PCDHGA6: variants seen among roughly 807,000 people sequenced by gnomAD.
PCDHGA6 encodes protocadherin gamma-A6.
A neutral mutation model predicts 60.6 loss-of-function variants in PCDHGA6; 41 were observed. The ratio of observed to expected loss-of-function variants is 0.68; its 90% CI spans 0.53 to 0.88. The LOEUF is 0.88. Among genes scored for constraint, PCDHGA6 ranks in the 40% least tolerant of loss-of-function variants. The pLI is 0.00. For synonymous variants in PCDHGA6, 594 were observed against 524.4 expected (o/e 1.13, Z -1.81); for missense variants, 1,312 against 1,203.0 (o/e 1.09, Z -1.34).
At chr5:141,494,937 G>A (rs759078748) in intron 2 of PCDHGA6, 72 bp downstream of exon 2, 130 of 1,612,276 alleles carry the variant, frequency 8.1e-5, no homozygotes, top group Non-Finnish European at 1.1e-4. Context: ...GAGGAGATGG[G>A]GGAGGGCCCA....
rs755457564 is a variant in PCDHGA6, at chr5:141,394,423, G to A, written c.2424+17916G>A. The stretch of plus-strand genomic sequence containing the variant: ...CAGCTACTGGTAACAGCCAGCGACA[G>A]CGGGGACCCGCCCCTCAGCAGCAAC... On this transcript the variant is annotated intron_variant, in intron 1 of 3. Coordinates refer to ENST00000517434, the MANE Select transcript of PCDHGA6 (RefSeq NM_018919.3). 2.5e-6 allele frequency: 4 copies of A among 1,614,248 alleles called. No homozygotes were observed. The Admixed American group carries it at 6.7e-5, about 27-fold the overall frequency.
Position 141,512,703 on chromosome 5 carries a change from T to C in PCDHGA6, c.*1530T>C. ...TAGCCAGTAGTGTAGTGCGGTGTGC[T>C]TTTACGTGATGGCGGGTGGGCAGCG... On this transcript the variant is annotated 3_prime_UTR_variant, in exon 4 of 4. Coordinates refer to ENST00000517434, the MANE Select transcript of PCDHGA6 (RefSeq NM_018919.3). 1 of 152,958 alleles carries C rather than the reference T, an allele frequency of 6.5e-6. No individual in the cohort carries two copies. Among genetic ancestry groups the C allele is most frequent in the East Asian group, 1.9e-4 (1 of 5,212 alleles). 9.5% of individuals were successfully genotyped at this position (152,958 alleles called of 1,614,324 possible).
chr5:141,422,056 G>C lies in PCDHGA6; in HGVS notation c.2424+45549G>C, dbSNP rs1003977721. 1.2e-6 allele frequency: 2 copies of C among 1,611,816 alleles called. No individual in the cohort carries two copies. The highest frequency in any genetic ancestry group is 2.7e-5 in the African/African-American group (2 of 74,764). ...GGATCCAGACGAGGGAATCAACGGG[G>C]AAGTAATGTATTCATTTCGGAACAT... On this transcript the variant is annotated intron_variant, in intron 1 of 3. Transcript: ENST00000517434.
At chr5:141,501,402 G>T (rs527659990) in intron 2 of PCDHGA6, among the ~76,000 whole-genome samples, 1 of 151,622 alleles carries the variant, frequency 6.6e-6, no homozygotes, top group African/African-American at 2.4e-5. Context: ...ACAGGCCACT[G>T]CTTGGAAAAT....
chr5:141,441,891 G>A, intron 1 of PCDHGA6: 1 of 348,040 alleles, frequency 2.9e-6, no homozygotes, highest in East Asian at 9.1e-5. Flanking sequence ...TCACCAAGGT[G>A]GTGGCTGTAG....
rs759819103 is a variant in PCDHGA6, at chr5:141,398,546, T to A, written c.2424+22039T>A. On this transcript the variant is annotated intron_variant, in intron 1 of 3. Transcript: ENST00000517434. ...AAATTCACGCAAAATTCCTTTGAGC[T>A]GCAAATAAGTGAGTCTGCACAGCCT... 3.1e-6 allele frequency: 5 copies of A among 1,613,902 alleles called. No homozygotes were observed. The East Asian group carries it at 1.1e-4, about 36-fold the overall frequency.
chr5:141,386,009 G>T (rs956571005), intron 1 of PCDHGA6: 7 of 152,222 alleles, frequency 4.6e-5, no homozygotes, highest in Non-Finnish European at 8.8e-5. Context: ...CATTTTAAGT[G>T]TTGTAATTGG....
At position 141,431,392 on chromosome 5, in the gene PCDHGA6, C is replaced by T. The variant is rs572129534; in HGVS notation, c.2424+54885C>T. 3 of 1,613,888 alleles carry T rather than the reference C, an allele frequency of 1.9e-6. No homozygotes were observed. Among genetic ancestry groups the T allele is most frequent in the Non-Finnish European group, 2.5e-6 (3 of 1,180,048 alleles). On this transcript the variant is annotated intron_variant, in intron 1 of 3. Transcript: ENST00000517434. The surrounding 1 kb of genome is among the most constrained non-coding windows in gnomAD (Gnocchi z 4.8). ...AAGAAAAGGCTGCTCACCACCTGGT[C>T]CTTACGGCCTCCGACGGGGGCGACC... is the stretch of plus-strand genomic sequence containing the variant.
chr5:141,498,725 A>AGT (rs2099785409), intron 2 of PCDHGA6, among the ~76,000 whole-genome samples: 1 of 152,150 alleles, frequency 6.6e-6, no homozygotes, highest in Non-Finnish European at 1.5e-5. Flanking sequence ...TGAGGTCAGG[A>AGT]GTTTGAGACC....
intron 1 of PCDHGA6, among the ~76,000 whole-genome samples, chr5:141,460,764 G>A (rs2098996981): frequency 6.6e-6 from 1 of 150,516 alleles, no homozygotes; most frequent in Admixed American, 6.7e-5. Flanking sequence ...TATACATATT[G>A]CATATGTATG....
At chr5:141,405,186 G>T (rs762537440) in intron 1 of PCDHGA6, 2 of 1,612,892 alleles carry the variant, frequency 1.2e-6, no homozygotes, top group Non-Finnish European at 1.7e-6. Context: ...GGTGTAGATG[G>T]GGTTCGAGCT....
intron 1 of PCDHGA6, among the ~76,000 whole-genome samples, chr5:141,474,463 T>C (rs1447737626): frequency 6.6e-6 from 1 of 152,228 alleles, no homozygotes; most frequent in Admixed American, 6.5e-5. Flanking sequence ...GCTATACTCT[T>C]TATTCTAAAT....
intron 1 of PCDHGA6, chr5:141,390,879 T>C (rs965843602): frequency 1.3e-5 from 2 of 153,458 alleles, no homozygotes; most frequent in African/African-American, 4.8e-5. Flanking sequence ...TGTGTGTGTG[T>C]GTGTGTGTGA....
At chr5:141,469,111 T>TA (rs1275770294) in intron 1 of PCDHGA6, among the ~76,000 whole-genome samples, 1 of 151,476 alleles carries the variant, frequency 6.6e-6, no homozygotes, top group African/African-American at 2.4e-5. Context: ...AACCTGTCTC[T>TA]AAAAAAATTT....
In PCDHGA6 at chr5:141,487,456, G is replaced by A. The variant is rs1041154635; in HGVS notation, c.2425-7351G>A. Reference sequence around the variant, plus strand: ...AGCTAGGGTCAGATGACCCTATCAAGTTTGTTGATGTGGGAGGCCACTCTC... The same window carrying A: ...AGCTAGGGTCAGATGACCCTATCAAATTTGTTGATGTGGGAGGCCACTCTC... On this transcript the variant is annotated intron_variant, in intron 1 of 3. Coordinates refer to ENST00000517434, the MANE Select transcript of PCDHGA6 (RefSeq NM_018919.3). The surrounding 1 kb of genome is among the most constrained non-coding windows in gnomAD (Gnocchi z 5.0). 6.2e-7 allele frequency: 1 copy of A among 1,614,196 alleles called. No individual in the cohort carries two copies. The highest frequency in any genetic ancestry group is 8.5e-7 in the Non-Finnish European group (1 of 1,180,026).
chr5:141,405,376 G>A lies in PCDHGA6; in HGVS notation c.2424+28869G>A, dbSNP rs567557596. On this transcript the variant is annotated intron_variant, in intron 1 of 3. Coordinates refer to ENST00000517434, the MANE Select transcript of PCDHGA6 (RefSeq NM_018919.3). The stretch of plus-strand genomic sequence containing the variant: ...CTATAGAAGACACCCCTTTGGTTCC[G>A]GTGAGTTCATTTTTTTTCTTTCTTT... The A allele has an allele frequency of 4.3e-4, 696 of 1,602,156 alleles. 3 individuals carry two copies. In the South Asian group the frequency reaches 6.8e-3, roughly 16 times the overall value.
rs1452697214 is a variant in PCDHGA6 at position 141,476,552 on chromosome 5, G to T, written c.2425-18255G>T. ...CCAGGAAATGAAATTGGAGATTAGC[G>T]AGGCCGTGGCTCCGGGGACGCGCTT... On this transcript the variant is annotated intron_variant, in intron 1 of 3. Transcript: ENST00000517434. The surrounding 1 kb of genome is among the most constrained non-coding windows in gnomAD (Gnocchi z 7.6). 6.2e-7 allele frequency: 1 copy of T among 1,614,210 alleles called. No individual in the cohort carries two copies. The highest frequency in any genetic ancestry group is 2.2e-5 in the East Asian group (1 of 44,872).
chr5:141,501,025 C>T (rs999221755), intron 2 of PCDHGA6, among the ~76,000 whole-genome samples: 94 of 152,100 alleles, frequency 6.2e-4, no homozygotes, highest in East Asian at 1.9e-3. Flanking sequence ...CGCGCCACCA[C>T]GCCCAGCTAA....
Position 141,374,903 on chromosome 5 carries a change from C to T in PCDHGA6, c.820C>T (p.His274Tyr). Residue 274 changes from histidine to tyrosine, a missense_variant, in exon 1 of 4, where the codon CAC (histidine) becomes TAC (tyrosine). Coordinates refer to ENST00000517434, the MANE Select transcript of PCDHGA6 (RefSeq NM_018919.3). ...TGCCACCGACCAGGATGAAGGAGTCCACGGGGAAGTAACTTATTCCTTTGT... is the reference window on the plus strand; with the variant it reads ...TGCCACCGACCAGGATGAAGGAGTCTACGGGGAAGTAACTTATTCCTTTGT... ...VTATDQDEGV[H>Y]GEVTYSFVKI... The T allele has an allele frequency of 3.1e-6, 5 of 1,613,798 alleles. No individual in the cohort carries two copies. Among genetic ancestry groups the T allele is most frequent in the Non-Finnish European group, 4.2e-6 (5 of 1,179,886 alleles).
Sources: gnomAD v4.1 joint callset for allele counts (sites outside exome capture counted in the v4.1 genomes callset) on GRCh38, gnomAD v4.1.1 for gene constraint, Gnocchi (gnomAD v3.1) non-coding constraint, MANE v1.5 for transcripts, NCBI Gene and HGNC (gene_info 2026-07-23, HGNC 2026-07-21) for gene names.